Variants in VAX2 observed in about 807,000 individuals in gnomAD.
VAX2 encodes ventral anterior homeobox 2.
A neutral mutation model predicts 12.5 loss-of-function variants in VAX2; 8 were observed. The ratio of observed to expected loss-of-function variants is 0.64; its 90% CI spans 0.37 to 1.15. The LOEUF is 1.15. Ranked by LOEUF, VAX2 falls within the 50% of genes most tolerant of loss-of-function variation. VAX2 has a pLI of 0.01. For synonymous variants in VAX2, 183 were observed against 187.6 expected, an observed-to-expected ratio of 0.98 and a Z score of 0.20; for missense variants, 476 against 412.9, an observed-to-expected ratio of 1.15 and a Z score of -1.32.
chr2:70,929,514 C>T (rs1572899386), intron 2 of VAX2, among the ~76,000 whole-genome samples: 1 of 152,138 alleles, frequency 6.6e-6, no homozygotes, highest in Non-Finnish European at 1.5e-5. Flanking sequence ...TGGTGAAACC[C>T]TGTCTCTAGC....
chr2:70,910,850 ATT>A lies in VAX2; in HGVS notation c.247+9993_247+9994del, dbSNP rs35939377. ...AGCAACAAAAAACTTTCTTTGTGGG[ATT>A]TTTTTTTTTTCTAAACTGAAATTTA... is the stretch of plus-strand genomic sequence containing the variant. On this transcript the variant is annotated intron_variant, in intron 1 of 2. Transcript: ENST00000234392. Among the ~76,000 whole-genome samples, 1,420 of 145,486 alleles carry A rather than the reference ATT, an allele frequency of 9.8e-3. 21 individuals carry two copies. Among genetic ancestry groups the A allele is most frequent in the African/African-American group, 0.034 (1,354 of 40,026 alleles).
chr2:70,906,116 A>T (rs1553410561), intron 1 of VAX2, among the ~76,000 whole-genome samples: 1 of 152,158 alleles, frequency 6.6e-6, no homozygotes, highest in Non-Finnish European at 1.5e-5. Context: ...CAGATTCTGT[A>T]CCCCAGTTCA....
chr2:70,931,124 G>T lies in VAX2; in HGVS notation c.436-1643G>T, dbSNP rs189775751. Among the ~76,000 whole-genome samples the T allele has an allele frequency of 2.4e-3, 367 of 152,332 alleles. 7 individuals carry two copies. Among genetic ancestry groups the T allele is most frequent in the Admixed American group, 0.023 (349 of 15,304 alleles). On this transcript the variant is annotated intron_variant, in intron 2 of 2. Transcript: ENST00000234392. The stretch of plus-strand genomic sequence containing the variant: ...CACCCTTCCTCCCATGAGGTTTTGT[G>T]GCCCCCAGGGGACTGAGCCTCAGCT...
At chr2:70,919,969 C>T (rs1553412581) in intron 1 of VAX2, among the ~76,000 whole-genome samples, 3 of 152,230 alleles carry the variant, frequency 2.0e-5, no homozygotes, top group Non-Finnish European at 4.4e-5. Flanking sequence ...TCAACAGCCA[C>T]TGCCCATTCT....
At chr2:70,923,076 C>T (rs1266630871) in intron 2 of VAX2, among the ~76,000 whole-genome samples, 1 of 151,988 alleles carries the variant, frequency 6.6e-6, no homozygotes, top group Non-Finnish European at 1.5e-5. Context: ...GTTGGATGTC[C>T]ACCAGTATTT....
intron 1 of VAX2, among the ~76,000 whole-genome samples, chr2:70,912,524 C>T (rs1477769643): frequency 3.3e-5 from 5 of 151,948 alleles, no homozygotes; most frequent in Non-Finnish European, 5.9e-5. Context: ...TAGCCAGGCG[C>T]GGTGGTGGGC....
chr2:70,918,092 G>A (rs975879972), intron 1 of VAX2, among the ~76,000 whole-genome samples: 3 of 152,330 alleles, frequency 2.0e-5, no homozygotes, highest in Non-Finnish European at 2.9e-5. Flanking sequence ...TGGGGAGCTT[G>A]AGTTGTCCTA....
chr2:70,928,101 C>T (rs1679613005), intron 2 of VAX2, among the ~76,000 whole-genome samples: 1 of 152,206 alleles, frequency 6.6e-6, no homozygotes, highest in South Asian at 2.1e-4. Context: ...AGGAGGGACA[C>T]ATTCAGAGGG....
At chr2:70,921,043 G>A (rs1553412759) in intron 1 of VAX2, 55 bp from the exon 2 acceptor site, 1 of 1,469,282 alleles carries the variant, frequency 6.8e-7, no homozygotes, top group African/African-American at 1.4e-5. Context: ...ATGCTTTCTG[G>A]TGATCTAACT....
chr2:70,907,936 G>A (rs147526392), intron 1 of VAX2, among the ~76,000 whole-genome samples: 21 of 152,288 alleles, frequency 1.4e-4, no homozygotes, highest in African/African-American at 4.8e-4. Flanking sequence ...ACCAGTTCTT[G>A]CTGTCCCTTG....
intron 1 of VAX2, among the ~76,000 whole-genome samples, chr2:70,917,309 G>A (rs966017832): frequency 3.0e-5 from 4 of 134,194 alleles, no homozygotes; most frequent in South Asian, 4.7e-4. Context: ...GGGATAGAGC[G>A]AGACTCTATC....
chr2:70,932,167 A>C (rs1553414391), intron 2 of VAX2, among the ~76,000 whole-genome samples: 1 of 152,198 alleles, frequency 6.6e-6, no homozygotes, highest in Non-Finnish European at 1.5e-5. Context: ...TGTTCTAGGC[A>C]GCTGGGAGAC....
intron 2 of VAX2, among the ~76,000 whole-genome samples, chr2:70,927,772 G>T (rs782054663): frequency 5.9e-5 from 9 of 152,074 alleles, no homozygotes; most frequent in Non-Finnish European, 1.2e-4. Flanking sequence ...GGAGGGGGCA[G>T]TGCCATGGGT....
At chr2:70,919,315 T>C (rs1486655809) in intron 1 of VAX2, among the ~76,000 whole-genome samples, 6 of 150,614 alleles carry the variant, frequency 4.0e-5, no homozygotes, top group Admixed American at 2.7e-4. Context: ...AATAAATTAC[T>C]TAAATTTTGT....
At chr2:70,914,109 C>T (rs1393631850) in intron 1 of VAX2, among the ~76,000 whole-genome samples, 1 of 152,150 alleles carries the variant, frequency 6.6e-6, no homozygotes, top group East Asian at 1.9e-4. Context: ...GTTGTATATA[C>T]TTTGGAGCAC....
chr2:70,912,258 A>G (rs1553411319), intron 1 of VAX2, among the ~76,000 whole-genome samples: 2 of 152,224 alleles, frequency 1.3e-5, no homozygotes, highest in East Asian at 3.8e-4. Context: ...CTATCCTTGC[A>G]TTTTCAATGT....
intron 1 of VAX2, among the ~76,000 whole-genome samples, chr2:70,905,773 G>A (rs1378284715): frequency 6.6e-6 from 1 of 152,194 alleles, no homozygotes; most frequent in Non-Finnish European, 1.5e-5. Context: ...GACAAGGAGT[G>A]GGTACCTGGG....
At chr2:70,921,000 G>A in intron 1 of VAX2, 98 bp from the exon 2 acceptor site, 4 of 1,368,152 alleles carry the variant, frequency 2.9e-6, no homozygotes, top group Admixed American at 3.2e-5. Context: ...GGCCTGAGGA[G>A]CTCTGCGATA....
At chr2:70,920,717 T>C (rs575106058) in intron 1 of VAX2, among the ~76,000 whole-genome samples, 2 of 152,022 alleles carry the variant, frequency 1.3e-5, no homozygotes, top group Non-Finnish European at 2.9e-5. Context: ...CTTACCTGAT[T>C]GATCACATTC....
Sources: gnomAD v4.1 joint callset for allele counts (sites outside exome capture counted in the v4.1 genomes callset) on GRCh38, gnomAD v4.1.1 for gene constraint, MANE v1.5 for transcripts, NCBI Gene and HGNC (gene_info 2026-07-23, HGNC 2026-07-21) for gene names.